Variants in ADAMTS18 observed in about 807,000 individuals in gnomAD.
ADAMTS18 encodes A disintegrin and metalloproteinase with thrombospondin motifs 18.
In ADAMTS18, 157 loss-of-function variants were observed where a neutral mutation model predicts 165.9. The ratio of observed to expected loss-of-function variants is 0.95; its 90% CI spans 0.83 to 1.08. The LOEUF (loss-of-function observed/expected upper bound fraction) is 1.08, where lower values mean the gene tolerates loss of function less well. Among genes scored for constraint, ADAMTS18 ranks in the 50% least tolerant of loss-of-function variants. ADAMTS18 has a pLI of 0.00. For synonymous variants in ADAMTS18, 782 were observed against 578.2 expected (o/e 1.35, Z -5.06); for missense variants, 2,040 against 1,534.0 (o/e 1.33, Z -5.51).
At chr16:77,399,959 T>A (rs951160419) in intron 3 of ADAMTS18, among the ~76,000 whole-genome samples, 1 of 152,190 alleles carries the variant, frequency 6.6e-6, no homozygotes, top group Non-Finnish European at 1.5e-5. Context: ...GTGGCTTATA[T>A]GAACATCTTG....
At chr16:77,338,195 C>T (rs891605904) in intron 11 of ADAMTS18, among the ~76,000 whole-genome samples, 4 of 152,054 alleles carry the variant, frequency 2.6e-5, no homozygotes, top group East Asian at 3.9e-4. Flanking sequence ...TGAGCCACCG[C>T]GCCTGGCTCC....
intron 14 of ADAMTS18, among the ~76,000 whole-genome samples, 164 bp downstream of exon 14, chr16:77,322,172 A>G (rs1332797154): frequency 6.6e-6 from 1 of 151,084 alleles, no homozygotes; most frequent in African/African-American, 2.4e-5. Flanking sequence ...AAAAAAAAAA[A>G]AAAAAAGATA....
intron 10 of ADAMTS18, among the ~76,000 whole-genome samples, chr16:77,342,367 T>C (rs112773004): frequency 4.3e-4 from 65 of 152,336 alleles, no homozygotes; most frequent in African/African-American, 1.5e-3. Context: ...ACTACCTTTT[T>C]CATCTTTTTA....
At chr16:77,329,961 G>A (rs1421081523) in intron 12 of ADAMTS18, among the ~76,000 whole-genome samples, 1 of 152,132 alleles carries the variant, frequency 6.6e-6, no homozygotes, top group Admixed American at 6.6e-5. Context: ...AGTTACAATG[G>A]TGTTGCTTGG....
chr16:77,352,794 A>G (rs2056574306), intron 10 of ADAMTS18, among the ~76,000 whole-genome samples: 1 of 152,170 alleles, frequency 6.6e-6, no homozygotes, highest in South Asian at 2.1e-4. Context: ...TATTGGGAAT[A>G]AACCAACTTA....
chr16:77,359,931 A>AT (rs946620926), intron 7 of ADAMTS18, among the ~76,000 whole-genome samples: 2 of 152,064 alleles, frequency 1.3e-5, no homozygotes, highest in African/African-American at 4.8e-5. Context: ...GATTAAATTC[A>AT]TTTTTCTCTG....
Position 77,335,855 on chromosome 16 carries a change from G to T in ADAMTS18, c.1760C>A (p.Pro587His). 2 of 1,614,156 alleles carry T rather than the reference G, an allele frequency of 1.2e-6. No homozygotes were observed. Among genetic ancestry groups the T allele is most frequent in the Non-Finnish European group, 8.5e-7 (1 of 1,180,032 alleles). Residue 587 changes from proline (P) to histidine (H), a missense_variant, in exon 12 of 23, where the codon CCC (proline) becomes CAC (histidine). Physicochemically the swap from Pro to His is moderately conservative, Grantham distance 77. Transcript: ENST00000282849. ...CVKFGELGPR[P>H]IHGQWSAWSK... Reference sequence around the variant, plus strand: ...CCAGGCGGACCACTGGCCGTGGATGGGCCGGGGCCCGAGCTCCCCAAACTT... The same window carrying T: ...CCAGGCGGACCACTGGCCGTGGATGTGCCGGGGCCCGAGCTCCCCAAACTT...
intron 3 of ADAMTS18, among the ~76,000 whole-genome samples, chr16:77,423,399 T>C (rs371501976): frequency 3.7e-4 from 57 of 152,318 alleles, no homozygotes; most frequent in Middle Eastern, 3.4e-3. Context: ...TACTATATCA[T>C]TATCACAACT....
chr16:77,387,607 G>A (rs141924133), intron 3 of ADAMTS18, among the ~76,000 whole-genome samples: 583 of 152,238 alleles, frequency 3.8e-3, no homozygotes, highest in African/African-American at 0.012. Context: ...CCACTGCCAT[G>A]TCTTTCTTGT....
intron 10 of ADAMTS18, among the ~76,000 whole-genome samples, chr16:77,342,956 G>A (rs2056421146): frequency 6.6e-6 from 1 of 152,154 alleles, no homozygotes; most frequent in African/African-American, 2.4e-5. Flanking sequence ...TGAAGATGAA[G>A]GAGGGGCCAT....
At chr16:77,296,956 G>T (rs1021404658) in intron 18 of ADAMTS18, among the ~76,000 whole-genome samples, 3 of 152,286 alleles carry the variant, frequency 2.0e-5, no homozygotes, top group African/African-American at 7.2e-5. Flanking sequence ...CAACTCAAAT[G>T]TAAACTTCAA....
intron 10 of ADAMTS18, among the ~76,000 whole-genome samples, chr16:77,352,932 T>TG (rs1327681295): frequency 6.6e-6 from 1 of 151,876 alleles, no homozygotes; most frequent in African/African-American, 2.4e-5. Context: ...CCTTCTCTAC[T>TG]GAAAAAAACA....
intron 3 of ADAMTS18, among the ~76,000 whole-genome samples, chr16:77,392,009 C>A (rs1597215934): frequency 6.6e-6 from 1 of 152,278 alleles, no homozygotes; most frequent in Admixed American, 6.5e-5. Flanking sequence ...ACTTTAGTAT[C>A]AGAAAAACAG....
intron 3 of ADAMTS18, among the ~76,000 whole-genome samples, chr16:77,423,925 G>A (rs558057429): frequency 2.0e-5 from 3 of 152,308 alleles, no homozygotes; most frequent in African/African-American, 7.2e-5. Flanking sequence ...ATATGTGTGT[G>A]TTGTGGGTGA....
At chr16:77,316,622 TCTC>T (rs2055892188) in intron 16 of ADAMTS18, among the ~76,000 whole-genome samples, 2 of 152,288 alleles carry the variant, frequency 1.3e-5, no homozygotes, top group East Asian at 1.9e-4. Context: ...ATAGCTAGAT[TCTC>T]CTATTTTTTA....
intron 3 of ADAMTS18, among the ~76,000 whole-genome samples, chr16:77,428,108 A>G (rs112346619): frequency 3.3e-5 from 5 of 152,292 alleles, no homozygotes; most frequent in African/African-American, 1.2e-4. Context: ...AAAGGACCCT[A>G]AGGCCAGTGG....
chr16:77,376,452 A>G (rs114467880), intron 3 of ADAMTS18, among the ~76,000 whole-genome samples: 1,664 of 152,262 alleles, frequency 0.011, 23 homozygotes, highest in African/African-American at 0.038. Context: ...TGGCTGCCAA[A>G]GGTTGATGGT....
intron 16 of ADAMTS18, among the ~76,000 whole-genome samples, chr16:77,317,952 G>C (rs187598530): frequency 1.8e-4 from 28 of 152,300 alleles, no homozygotes; most frequent in Admixed American, 7.2e-4. Context: ...AAAATACCCT[G>C]AGATGATTGA....
chr16:77,299,235 G>C (rs1450056640), intron 17 of ADAMTS18, among the ~76,000 whole-genome samples: 2 of 152,154 alleles, frequency 1.3e-5, no homozygotes, highest in African/African-American at 4.8e-5. Context: ...CATGTGCCTA[G>C]GGAAACAAAT....
Sources: gnomAD v4.1 joint callset for allele counts (sites outside exome capture counted in the v4.1 genomes callset) on GRCh38, gnomAD v4.1.1 for gene constraint, MANE v1.5 for transcripts, NCBI Gene and HGNC (gene_info 2026-07-23, HGNC 2026-07-21) for gene names.